MITF: variants seen among roughly 807,000 people sequenced by gnomAD.
MITF encodes melanocyte inducing transcription factor.
MITF carries 17 observed loss-of-function variants against 60.5 expected under a neutral mutation model. The observed-to-expected ratio is 0.28, with a 90% confidence interval of 0.19 to 0.42. MITF has a LOEUF of 0.42. Among genes scored for constraint, MITF ranks in the 10% least tolerant of loss-of-function variants. The pLI is 1.00. For missense variants in MITF, 622 were observed against 683.5 expected (o/e 0.91, Z 1.00); for synonymous variants, 260 against 248.5 (o/e 1.05, Z -0.43).
intron 1 of MITF, among the ~76,000 whole-genome samples, chr3:69,829,450 A>G (rs1031945280): frequency 6.6e-6 from 1 of 152,222 alleles, no homozygotes; most frequent in African/African-American, 2.4e-5. Flanking sequence ...ATTCTATTTA[A>G]CTGTGACTTT....
intron 1 of MITF, among the ~76,000 whole-genome samples, chr3:69,851,310 G>T (rs979565761): frequency 6.6e-6 from 1 of 152,028 alleles, no homozygotes; most frequent in Admixed American, 6.6e-5. Context: ...TGGTAATTGT[G>T]ACCTTGGCTC....
chr3:69,816,937 T>G, intron 1 of MITF, among the ~76,000 whole-genome samples: 1 of 152,184 alleles, frequency 6.6e-6, no homozygotes, highest in East Asian at 1.9e-4. Flanking sequence ...TTGTGGCAGT[T>G]AATTGTCACA....
chr3:69,790,816 A>G (rs1184947164), intron 1 of MITF, among the ~76,000 whole-genome samples: 1 of 152,204 alleles, frequency 6.6e-6, no homozygotes, highest in African/African-American at 2.4e-5. Flanking sequence ...TAGGCATGAA[A>G]TTCAGATTCA....
At chr3:69,904,628 T>C (rs1439914085) in intron 2 of MITF, among the ~76,000 whole-genome samples, 1 of 152,204 alleles carries the variant, frequency 6.6e-6, no homozygotes, top group Non-Finnish European at 1.5e-5. Flanking sequence ...GTATAGTCTG[T>C]ATCAATGTAT....
chr3:69,803,040 G>A (rs183392132), intron 1 of MITF, among the ~76,000 whole-genome samples: 165 of 152,108 alleles, frequency 1.1e-3, no homozygotes, highest in African/African-American at 3.7e-3. Flanking sequence ...GCCTCCCAAA[G>A]TGCTGGGATT....
At chr3:69,816,818 ATGG>A (rs531794573) in intron 1 of MITF, among the ~76,000 whole-genome samples, 183 of 152,316 alleles carry the variant, frequency 1.2e-3, no homozygotes, top group East Asian at 3.1e-3. Flanking sequence ...GATGTTGATA[ATGG>A]TGGTGGTGGT....
At chr3:69,852,230 A>G (rs1260266955) in intron 1 of MITF, among the ~76,000 whole-genome samples, 3 of 152,210 alleles carry the variant, frequency 2.0e-5, no homozygotes, top group African/African-American at 7.2e-5. Context: ...AGAAAAGTAT[A>G]CACATCTTAC....
intron 1 of MITF, among the ~76,000 whole-genome samples, chr3:69,847,812 G>T (rs1164371332): frequency 6.6e-6 from 1 of 152,160 alleles, no homozygotes; most frequent in South Asian, 2.1e-4. Context: ...CTTTATATCA[G>T]ATTTTCTAAA....
At chr3:69,853,001 A>G (rs1416881819) in intron 1 of MITF, among the ~76,000 whole-genome samples, 1 of 152,162 alleles carries the variant, frequency 6.6e-6, no homozygotes, top group Non-Finnish European at 1.5e-5. Flanking sequence ...GTCCAGAAGG[A>G]TAAGTTGGTG....
At chr3:69,863,097 C>T (rs555831713) in intron 1 of MITF, among the ~76,000 whole-genome samples, 11 of 151,988 alleles carry the variant, frequency 7.2e-5, no homozygotes, top group African/African-American at 1.7e-4. Flanking sequence ...TTACATATTA[C>T]GTTGATTCAT....
intron 1 of MITF, among the ~76,000 whole-genome samples, chr3:69,870,329 C>T (rs1432554034): frequency 1.4e-5 from 2 of 146,198 alleles, no homozygotes; most frequent in African/African-American, 5.2e-5. Context: ...TGTATATATA[C>T]ACACATACAT....
chr3:69,744,955 A>G (rs563893945), intron 1 of MITF, among the ~76,000 whole-genome samples: 1 of 152,336 alleles, frequency 6.6e-6, no homozygotes, highest in East Asian at 1.9e-4. Context: ...GATGGGTCAC[A>G]TTTATTGAGT....
intron 1 of MITF, among the ~76,000 whole-genome samples, chr3:69,788,026 T>A (rs2062678443): frequency 6.6e-6 from 1 of 152,148 alleles, no homozygotes; most frequent in Non-Finnish European, 1.5e-5. Flanking sequence ...AAACTGAGGT[T>A]AAATAAGGTT....
intron 1 of MITF, among the ~76,000 whole-genome samples, chr3:69,830,820 G>T (rs1224875053): frequency 6.6e-6 from 1 of 152,116 alleles, no homozygotes; most frequent in African/African-American, 2.4e-5. Context: ...CATCGGTTAT[G>T]GTTTCATGAA....
chr3:69,938,131 G>A, intron 3 of MITF, 82 bp downstream of exon 3: 1 of 1,452,568 alleles, frequency 6.9e-7, no homozygotes, highest in South Asian at 1.2e-5. Flanking sequence ...CTTAACTGTG[G>A]ACTCTAGTTT....
At chr3:69,803,836 T>A (rs916538326) in intron 1 of MITF, among the ~76,000 whole-genome samples, 9 of 151,964 alleles carry the variant, frequency 5.9e-5, no homozygotes, top group African/African-American at 9.7e-5. Flanking sequence ...TTTTTTTTTT[T>A]AAATTAACCA....
chr3:69,954,860 G>C (rs2066356824), intron 7 of MITF, among the ~76,000 whole-genome samples: 2 of 151,992 alleles, frequency 1.3e-5, no homozygotes, highest in African/African-American at 4.8e-5. Context: ...GGGAAAGCAG[G>C]GAATCACATT....
intron 1 of MITF, among the ~76,000 whole-genome samples, chr3:69,786,057 A>C (rs2062643253): frequency 2.0e-5 from 3 of 152,234 alleles, no homozygotes; most frequent in Non-Finnish European, 4.4e-5. Context: ...GAACAAAAAA[A>C]GCAGTGCAGC....
At chr3:69,936,972 G>A in intron 2 of MITF, 1 of 459,584 alleles carries the variant, frequency 2.2e-6, no homozygotes, top group Non-Finnish European at 3.8e-6. Context: ...TTTTGGCCTA[G>A]TGTGTGGCTA....
Sources: allele counts gnomAD v4.1 joint callset (sites outside exome capture counted in the v4.1 genomes callset), GRCh38; gene constraint gnomAD v4.1.1; transcripts MANE v1.5; gene names NCBI Gene and HGNC (gene_info 2026-07-23, HGNC 2026-07-21).